Variants in SLC24A2 observed in about 807,000 individuals in gnomAD.
The protein encoded by SLC24A2 is solute carrier family 24 member 2, also known as sodium/potassium/calcium exchanger 2.
A neutral mutation model predicts 62.0 loss-of-function variants in SLC24A2; 36 were observed. The observed-to-expected ratio is 0.58, with a 90% CI of 0.44 to 0.77. The LOEUF (loss-of-function observed/expected upper bound fraction) is 0.77. SLC24A2 is among the 30% of genes least tolerant of loss of function. SLC24A2 has a pLI of 0.00. For synonymous variants in SLC24A2, 358 were observed against 294.0 expected (o/e 1.22, Z -2.23); for missense variants, 846 against 817.9 (o/e 1.03, Z -0.42).
the SLC24A2 span, among the ~76,000 whole-genome samples, chr9:20,057,431 C>T: frequency 6.6e-6 from 1 of 152,148 alleles, no homozygotes; most frequent in Admixed American, 6.5e-5. Flanking sequence ...ATCATATTTA[C>T]CTAGTCCTTC....
chr9:20,301,684 A>G, the SLC24A2 span, among the ~76,000 whole-genome samples: 1 of 151,772 alleles, frequency 6.6e-6, no homozygotes, highest in African/African-American at 2.4e-5. Flanking sequence ...AGCCTCCTCC[A>G]TTATCAACAT....
the SLC24A2 span, among the ~76,000 whole-genome samples, chr9:19,998,927 A>T: frequency 2.6e-5 from 4 of 152,216 alleles, no homozygotes; most frequent in Non-Finnish European, 5.9e-5. Context: ...CCACCCACAG[A>T]AGAATCAGAC....
At chr9:20,271,444 GCTTT>G in the SLC24A2 span, among the ~76,000 whole-genome samples, 2 of 151,772 alleles carry the variant, frequency 1.3e-5, no homozygotes, top group African/African-American at 4.8e-5. Context: ...TGCTGCTGCT[GCTTT>G]CTTTTATGGA....
the SLC24A2 span, among the ~76,000 whole-genome samples, chr9:19,802,458 C>T: frequency 6.6e-6 from 1 of 152,246 alleles, no homozygotes; most frequent in African/African-American, 2.4e-5. Flanking sequence ...CTCAACATTT[C>T]TGTTAAATAC....
At chr9:20,089,888 A>T in the SLC24A2 span, among the ~76,000 whole-genome samples, 1 of 151,474 alleles carries the variant, frequency 6.6e-6, no homozygotes. Flanking sequence ...AACAAGCGCA[A>T]CCCCAAGCTC....
the SLC24A2 span, among the ~76,000 whole-genome samples, chr9:19,976,734 A>G: frequency 2.0e-5 from 3 of 152,168 alleles, no homozygotes; most frequent in Non-Finnish European, 4.4e-5. Flanking sequence ...GTGTCCACAG[A>G]TTTTGGTATC....
chr9:20,289,854 G>A, the SLC24A2 span, among the ~76,000 whole-genome samples: 1 of 152,142 alleles, frequency 6.6e-6, no homozygotes, highest in African/African-American at 2.4e-5. Context: ...TACTGGGTTG[G>A]CACAGAATGG....
At chr9:20,067,821 A>C in the SLC24A2 span, among the ~76,000 whole-genome samples, 4 of 152,078 alleles carry the variant, frequency 2.6e-5, no homozygotes, top group Non-Finnish European at 5.9e-5. Flanking sequence ...TGTCTTTGCT[A>C]TTGTGAATAG....
At chr9:19,747,090 A>G (rs1367268515) in intron 2 of SLC24A2, among the ~76,000 whole-genome samples, 3 of 152,194 alleles carry the variant, frequency 2.0e-5, no homozygotes, top group Non-Finnish European at 4.4e-5. Context: ...AATGGCATAC[A>G]GAATGATATA....
chr9:19,837,896 C>T, the SLC24A2 span, among the ~76,000 whole-genome samples: 1 of 151,924 alleles, frequency 6.6e-6, no homozygotes, highest in Non-Finnish European at 1.5e-5. Context: ...GAACTACAAA[C>T]CACTGCTCAA....
the SLC24A2 span, among the ~76,000 whole-genome samples, chr9:20,047,345 A>G: frequency 6.6e-6 from 1 of 152,016 alleles, no homozygotes; most frequent in Non-Finnish European, 1.5e-5. Context: ...ACTGCATAAC[A>G]TTCAATAAGA....
chr9:19,766,814 G>T (rs1395582649), intron 2 of SLC24A2, among the ~76,000 whole-genome samples: 1 of 152,200 alleles, frequency 6.6e-6, no homozygotes, highest in Non-Finnish European at 1.5e-5. Flanking sequence ...AGCAGAGCTC[G>T]AGTGCTGTGC....
intron 2 of SLC24A2, among the ~76,000 whole-genome samples, chr9:19,656,464 C>T (rs567238192): frequency 3.3e-4 from 51 of 152,280 alleles, no homozygotes; most frequent in African/African-American, 1.2e-3. Context: ...GTCTCACTTT[C>T]CATCCCAAGT....
chr9:20,182,463 T>C, the SLC24A2 span, among the ~76,000 whole-genome samples: 408 of 152,188 alleles, frequency 2.7e-3, 2 homozygotes, highest in African/African-American at 9.2e-3. Flanking sequence ...CCATAAAAAA[T>C]GATGAATTCA....
intron 8 of SLC24A2, among the ~76,000 whole-genome samples, chr9:19,547,802 G>A (rs1834656826): frequency 6.6e-6 from 1 of 150,916 alleles, no homozygotes; most frequent in South Asian, 2.1e-4. Context: ...CCACACAAAA[G>A]CATTGGACTA....
At chr9:20,056,791 A>C in the SLC24A2 span, among the ~76,000 whole-genome samples, 1 of 152,204 alleles carries the variant, frequency 6.6e-6, no homozygotes, top group Non-Finnish European at 1.5e-5. Flanking sequence ...CAGGGCTGCA[A>C]TCCAGCAATG....
At chr9:20,305,031 A>G in the SLC24A2 span, among the ~76,000 whole-genome samples, 1 of 152,042 alleles carries the variant, frequency 6.6e-6, no homozygotes, top group East Asian at 1.9e-4. Context: ...TGGATTGGAT[A>G]TGGAAAACAC....
At chr9:19,912,519 C>T in the SLC24A2 span, among the ~76,000 whole-genome samples, 874 of 152,194 alleles carry the variant, frequency 5.7e-3, 6 homozygotes, top group African/African-American at 0.018. Context: ...GATGGCCTTC[C>T]TCCATCTATC....
At chr9:19,996,910 T>A in the SLC24A2 span, among the ~76,000 whole-genome samples, 4 of 151,936 alleles carry the variant, frequency 2.6e-5, no homozygotes, top group Admixed American at 6.6e-5. Flanking sequence ...GTAGCAACAT[T>A]ATTAGATTTG....
Sources: gnomAD v4.1 joint callset for allele counts (sites outside exome capture counted in the v4.1 genomes callset) on GRCh38, gnomAD v4.1.1 for gene constraint, MANE v1.5 for transcripts, NCBI Gene and HGNC (gene_info 2026-07-23, HGNC 2026-07-21) for gene names.